OLFML2A: variants seen among roughly 807,000 people sequenced by gnomAD.
The protein encoded by OLFML2A is olfactomedin-like protein 2A.
OLFML2A carries 47 observed loss-of-function variants against 60.9 expected under a neutral mutation model. The observed-to-expected ratio is 0.77, with a 90% confidence interval of 0.61 to 0.98. OLFML2A has a LOEUF of 0.98. Among genes scored for constraint, OLFML2A ranks in the 50% least tolerant of loss-of-function variants. The pLI is 0.00. For synonymous variants in OLFML2A, 372 were observed against 375.0 expected (o/e 0.99, Z 0.09); for missense variants, 922 against 879.8 (o/e 1.05, Z -0.61).
In OLFML2A at chr9:124,790,951, T is replaced by TG. The variant is rs1379634388; in HGVS notation, c.354+3715dup. On this transcript the variant is annotated intron_variant, in intron 2 of 7. Transcript: ENST00000373580. The stretch of plus-strand genomic sequence containing the variant: ...TGGTTTGTCCTCCGCAGCATGGCTG[T>TG]GGTAGGAGAGATACTTTGAGTAGCA... 2.6e-5 allele frequency among the ~76,000 whole-genome samples: 4 copies of TG among 152,266 alleles called. No individual in the cohort carries two copies. The East Asian group carries it at 7.7e-4, about 29-fold the overall frequency.
chr9:124,804,275 C>T lies in OLFML2A; in HGVS notation c.1101C>T (p.Thr367=). The T allele has an allele frequency of 6.3e-7, 1 of 1,580,890 alleles. No individual in the cohort carries two copies. The highest frequency in any genetic ancestry group is 1.1e-5 in the South Asian group (1 of 86,974). ...SIPATTTTAT[T]TPTPTTSLLP... is the part of the protein sequence containing the mutation. Reference sequence around the variant, plus strand: ...CTGCCACCACCACCACCGCCACCACCACCCCAACCCCCACCACCAGTCTCC... The same window carrying T: ...CTGCCACCACCACCACCGCCACCACTACCCCAACCCCCACCACCAGTCTCC... Residue 367 remains threonine (T), a synonymous_variant, in exon 6 of 8, where the codon ACC becomes ACT. Transcript: ENST00000373580.
intron 5 of OLFML2A, among the ~76,000 whole-genome samples, chr9:124,803,544 C>T (rs1841823543): frequency 1.3e-5 from 2 of 152,230 alleles, no homozygotes; most frequent in Admixed American, 1.3e-4. Context: ...GGATTACAGG[C>T]ACCAGCCACT....
In OLFML2A at chr9:124,814,235, G is replaced by A. The variant is rs866442685; in HGVS notation, c.*3823G>A. On this transcript the variant is annotated 3_prime_UTR_variant, in exon 8 of 8. Transcript: ENST00000373580. Reference sequence around the variant, plus strand: ...CCAAAGCGTCTTTAACTCTGGGATAGCATTGGAAGCCGCTGTCATGACAGG... The same window carrying A: ...CCAAAGCGTCTTTAACTCTGGGATAACATTGGAAGCCGCTGTCATGACAGG... The A allele has an allele frequency of 1.3e-5, 2 of 152,262 alleles. No homozygotes were observed. Among genetic ancestry groups the A allele is most frequent in the Admixed American group, 1.3e-4 (2 of 15,286 alleles). 9.4% of individuals were successfully genotyped at this position (152,262 alleles called of 1,614,324 possible).
Position 124,801,668 on chromosome 9 carries a change from G to C in OLFML2A, c.919+5G>C, listed in dbSNP as rs1045230658. 5 of 1,611,812 alleles carry C rather than the reference G, an allele frequency of 3.1e-6. No homozygotes were observed. In the African/African-American group the frequency reaches 5.3e-5, roughly 17 times the overall value. On this transcript the variant is annotated splice_donor_5th_base_variant and intron_variant, in intron 5 of 7. Transcript: ENST00000373580. The stretch of plus-strand genomic sequence containing the variant: ...AGGTGACCGAGGCGGTGGCAGGTGA[G>C]TAGGAGGGGAATGGGGACCCTGGGG...
At chr9:124,804,444 C>A (rs2093655512) in intron 6 of OLFML2A, 102 bp downstream of exon 6, 9 of 1,204,986 alleles carry the variant, frequency 7.5e-6, no homozygotes, top group Non-Finnish European at 1.0e-5. Flanking sequence ...CTTTTTATAG[C>A]TGAGCATGGT....
chr9:124,788,739 G>A (rs1044159135), intron 2 of OLFML2A, among the ~76,000 whole-genome samples: 1 of 152,184 alleles, frequency 6.6e-6, no homozygotes, highest in Non-Finnish European at 1.5e-5. Context: ...GACATGTCTG[G>A]GGTAGATCTC....
chr9:124,801,584 C>T lies in OLFML2A; in HGVS notation c.840C>T (p.Ala280=). ...SFLQPTAKPR[A]LAQQQAVIRG... is the part of the protein sequence containing the mutation. ...TCCAGCCCACAGCCAAGCCCCGCGCCCTGGCCCAGCAGCAGGCTGTGATCC... is the reference window on the plus strand; with the variant it reads ...TCCAGCCCACAGCCAAGCCCCGCGCTCTGGCCCAGCAGCAGGCTGTGATCC... The change falls in exon 5 of 8, where the codon GCC becomes GCT. Residue 280 remains alanine (A), a synonymous_variant. Transcript: ENST00000373580. 1 of 1,614,044 alleles carries T rather than the reference C, an allele frequency of 6.2e-7. No homozygotes were observed. The highest frequency in any genetic ancestry group is 8.5e-7 in the Non-Finnish European group (1 of 1,180,024).
chr9:124,805,423 G>A (rs1033205025), intron 6 of OLFML2A, among the ~76,000 whole-genome samples: 40 of 152,146 alleles, frequency 2.6e-4, no homozygotes, highest in Non-Finnish European at 4.9e-4. Flanking sequence ...GCTGTCCACC[G>A]GCCTGGCAGA....
chr9:124,803,736 A>G (rs12340764), intron 5 of OLFML2A, among the ~76,000 whole-genome samples: 7,983 of 152,268 alleles, frequency 0.052, 532 homozygotes, highest in African/African-American at 0.15. Flanking sequence ...AAGGAAAGGG[A>G]TCTCCTTTTT....
intron 6 of OLFML2A, among the ~76,000 whole-genome samples, chr9:124,805,819 T>G (rs1841887175): frequency 7.5e-6 from 1 of 133,704 alleles, no homozygotes. Flanking sequence ...TTTTTTTTTT[T>G]TTTTTTTTTT....
chr9:124,809,730 G>A (rs1841964453), intron 7 of OLFML2A, 78 bp from the exon 8 acceptor site: 1 of 1,507,416 alleles, frequency 6.6e-7, no homozygotes, highest in African/African-American at 1.4e-5. Context: ...GCCACTGAGA[G>A]CCCTTGGTGG....
chr9:124,782,796 T>C (rs533732827), intron 1 of OLFML2A, among the ~76,000 whole-genome samples: 2 of 151,996 alleles, frequency 1.3e-5, no homozygotes, highest in East Asian at 3.9e-4. Context: ...CACGGTCCGA[T>C]GTGGAGGCAG....
intron 2 of OLFML2A, among the ~76,000 whole-genome samples, chr9:124,793,500 T>G (rs1841606152): frequency 6.6e-6 from 1 of 152,208 alleles, no homozygotes. Flanking sequence ...AGACGGTGAT[T>G]CATGATATCT....
chr9:124,792,875 C>T (rs147019659), intron 2 of OLFML2A, among the ~76,000 whole-genome samples: 13 of 152,230 alleles, frequency 8.5e-5, no homozygotes, highest in African/African-American at 2.2e-4. Flanking sequence ...AATGTCTATG[C>T]GCATGATTCT....
intron 3 of OLFML2A, 110 bp from the exon 4 acceptor site, chr9:124,799,175 T>G (rs1841722501): frequency 1.3e-6 from 1 of 760,038 alleles, no homozygotes; most frequent in Non-Finnish European, 2.3e-6. Flanking sequence ...CCTAGCCCGT[T>G]CGGGGGACTG....
rs923188681 is a variant in OLFML2A at position 124,814,035 on chromosome 9, A to G, written c.*3623A>G. 6.6e-6 allele frequency: 1 copy of G among 152,250 alleles called. No homozygotes were observed. Among genetic ancestry groups the G allele is most frequent in the African/African-American group, 2.4e-5 (1 of 41,464 alleles). The allele number at this position is 152,250 out of a possible 1,614,324, so 9.4% of individuals were successfully genotyped here. ...CGGGTGTTTCTGAACAACGTGACTC[A>G]TGAGGGGCTTTGGCTACCTCTTGCG... On this transcript the variant is annotated 3_prime_UTR_variant, in exon 8 of 8. Coordinates refer to ENST00000373580, the MANE Select transcript of OLFML2A (RefSeq NM_182487.4).
Position 124,813,753 on chromosome 9 carries a change from G to A in OLFML2A, c.*3341G>A, listed in dbSNP as rs1406412278. On this transcript the variant is annotated 3_prime_UTR_variant, in exon 8 of 8. Transcript: ENST00000373580. ...AAAAATTCTAAGACAGTTGGATGTT[G>A]TCCTGTTGGTGAGGAAGGGAAAGGT... is the stretch of plus-strand genomic sequence containing the variant. The A allele has an allele frequency of 6.6e-6, 1 of 152,200 alleles. No individual in the cohort carries two copies. Among genetic ancestry groups the A allele is most frequent in the Non-Finnish European group, 1.5e-5 (1 of 68,042 alleles). 9.4% of individuals were successfully genotyped at this position (152,200 alleles called of 1,614,324 possible). A position where few individuals can be genotyped will look rare whatever the true frequency, so the allele number is the denominator to read the frequency against.
intron 4 of OLFML2A, chr9:124,800,900 C>A: frequency 6.5e-7 from 1 of 1,537,836 alleles, no homozygotes; most frequent in Non-Finnish European, 8.8e-7. Context: ...GGTGACCAAC[C>A]CTGTCCCAGT....
At chr9:124,795,834 G>A (rs1218290695) in intron 3 of OLFML2A, among the ~76,000 whole-genome samples, 1 of 152,230 alleles carries the variant, frequency 6.6e-6, no homozygotes, top group Non-Finnish European at 1.5e-5. Context: ...GACTGACCGA[G>A]CCCACTGGGC....
Sources: allele counts gnomAD v4.1 joint callset (sites outside exome capture counted in the v4.1 genomes callset), GRCh38; gene constraint gnomAD v4.1.1; transcripts MANE v1.5; gene names NCBI Gene and HGNC (gene_info 2026-07-23, HGNC 2026-07-21).